The following IL1RAPL2 variants were observed in gnomAD, a reference collection of about 807,000 sequenced individuals.
IL1RAPL2 encodes interleukin 1 receptor accessory protein like 2.
A neutral mutation model predicts 44.1 loss-of-function variants in IL1RAPL2; 3 were observed. The ratio of observed to expected loss-of-function variants is 0.07; its 90% CI spans 0.03 to 0.18. The LOEUF is 0.18. IL1RAPL2 is among the 10% of genes least tolerant of loss of function. The pLI is 1.00. For synonymous variants in IL1RAPL2, 181 were observed against 178.8 expected (o/e 1.01, Z -0.10); for missense variants, 391 against 496.4 (o/e 0.79, Z 2.02).
At chrX:105,443,435 TAG>T (rs2035934355) in intron 5 of IL1RAPL2, among the ~76,000 whole-genome samples, 1 of 111,642 alleles carries the variant, frequency 9.0e-6, no homozygotes, top group Non-Finnish European at 1.9e-5. Flanking sequence ...TATCAAATAC[TAG>T]GTCTTATTCA....
intron 1 of IL1RAPL2, among the ~76,000 whole-genome samples, chrX:104,613,060 A>G (rs1302844351): frequency 8.9e-6 from 1 of 112,090 alleles, no homozygotes. Context: ...TATCAGTTCC[A>G]CGAATATTTT....
At chrX:104,634,027 G>C (rs1398686755) in intron 1 of IL1RAPL2, among the ~76,000 whole-genome samples, 2 of 110,956 alleles carry the variant, frequency 1.8e-5, no homozygotes, top group Admixed American at 9.6e-5. Context: ...GTGTCCCAGA[G>C]ATTCTGGTAT....
At chrX:105,082,567 T>C (rs138556628) in intron 2 of IL1RAPL2, among the ~76,000 whole-genome samples, 9,074 of 110,607 alleles carry the variant, frequency 0.082, 971 homozygotes, top group African/African-American at 0.28. Flanking sequence ...TGGCATCTGG[T>C]GGGTGCCCCT....
intron 4 of IL1RAPL2, among the ~76,000 whole-genome samples, chrX:105,256,055 A>G (rs2034311755): frequency 9.0e-6 from 1 of 111,695 alleles, no homozygotes; most frequent in African/African-American, 3.3e-5. Flanking sequence ...TTTGTTTGCA[A>G]GTATTTTGTT....
At chrX:104,879,497 G>T (rs747789808) in intron 2 of IL1RAPL2, among the ~76,000 whole-genome samples, 5 of 110,249 alleles carry the variant, frequency 4.5e-5, no homozygotes, top group Non-Finnish European at 9.5e-5. Context: ...ATGGCAACTT[G>T]TTTGACACAC....
intron 5 of IL1RAPL2, chrX:105,406,292 G>A: frequency 4.8e-6 from 5 of 1,037,821 alleles, no homozygotes; most frequent in East Asian, 6.1e-5. Context: ...TTTCTTAATT[G>A]ACCGAAGTCC....
intron 2 of IL1RAPL2, among the ~76,000 whole-genome samples, chrX:105,008,695 A>G (rs2030989250): frequency 9.0e-6 from 1 of 111,544 alleles, no homozygotes; most frequent in Non-Finnish European, 1.9e-5. Context: ...GGCATGGGCA[A>G]GGACTTCATG....
At chrX:105,660,814 T>C (rs2147847360) in intron 6 of IL1RAPL2, among the ~76,000 whole-genome samples, 1 of 110,489 alleles carries the variant, frequency 9.1e-6, no homozygotes, top group South Asian at 3.8e-4. Flanking sequence ...TTAAAACACA[T>C]CACTGAAGAA....
chrX:105,488,788 G>T (rs1468546322), intron 6 of IL1RAPL2, among the ~76,000 whole-genome samples: 2 of 111,767 alleles, frequency 1.8e-5, no homozygotes, highest in Non-Finnish European at 3.8e-5. Flanking sequence ...TCTCAGTTCT[G>T]AATATTTCTA....
chrX:104,912,218 G>A (rs1411967773), intron 2 of IL1RAPL2, among the ~76,000 whole-genome samples: 2 of 108,977 alleles, frequency 1.8e-5, no homozygotes, highest in Admixed American at 2.0e-4. Flanking sequence ...CTAGAAGGCT[G>A]GGGAGGCACT....
chrX:105,491,429 AT>A (rs756910342), intron 6 of IL1RAPL2, among the ~76,000 whole-genome samples: 1 of 111,654 alleles, frequency 9.0e-6, no homozygotes, highest in African/African-American at 3.3e-5. Flanking sequence ...GATTTTTTAA[AT>A]TTTTTATATC....
intron 2 of IL1RAPL2, among the ~76,000 whole-genome samples, chrX:104,883,722 C>T (rs760003818): frequency 1.3e-4 from 14 of 110,952 alleles, no homozygotes; most frequent in Non-Finnish European, 2.5e-4. Flanking sequence ...CTTTAGGCAC[C>T]CAGGCTCACC....
chrX:104,677,988 C>G (rs1930816425), intron 2 of IL1RAPL2, among the ~76,000 whole-genome samples: 1 of 112,237 alleles, frequency 8.9e-6, no homozygotes, highest in South Asian at 3.7e-4. Flanking sequence ...TGACCTGCGC[C>G]CACTGTCTGG....
chrX:105,009,374 A>C (rs1409438268), intron 2 of IL1RAPL2, among the ~76,000 whole-genome samples: 1 of 110,043 alleles, frequency 9.1e-6, no homozygotes, highest in Non-Finnish European at 1.9e-5. Flanking sequence ...GATAGACTGG[A>C]TTAAGAAAAT....
intron 2 of IL1RAPL2, among the ~76,000 whole-genome samples, chrX:104,882,540 C>G (rs1045829546): frequency 4.5e-5 from 5 of 111,556 alleles, no homozygotes; most frequent in Middle Eastern, 4.6e-3. Context: ...TGTAAACACA[C>G]CAATCAGTGC....
intron 6 of IL1RAPL2, among the ~76,000 whole-genome samples, chrX:105,619,516 G>C (rs930494818): frequency 9.0e-6 from 1 of 111,540 alleles, no homozygotes; most frequent in African/African-American, 3.3e-5. Flanking sequence ...GCATAATTTG[G>C]AGTGGCATAT....
At chrX:104,665,922 G>T (rs1346997301) in intron 2 of IL1RAPL2, among the ~76,000 whole-genome samples, 2 of 111,323 alleles carry the variant, frequency 1.8e-5, no homozygotes, top group African/African-American at 6.5e-5. Context: ...TCCTAGAAGT[G>T]GAAATGTTGG....
chrX:105,713,359 T>C (rs768581255), intron 6 of IL1RAPL2, among the ~76,000 whole-genome samples: 121 of 111,470 alleles, frequency 1.1e-3, no homozygotes, highest in African/African-American at 3.8e-3. Flanking sequence ...CTCTGAAATC[T>C]AGGCGGAGGG....
intron 2 of IL1RAPL2, among the ~76,000 whole-genome samples, chrX:104,830,916 T>C (rs1217590834): frequency 6.2e-5 from 7 of 112,202 alleles, no homozygotes; most frequent in Non-Finnish European, 1.3e-4. Flanking sequence ...ACTGCTCATA[T>C]CCAGTTTGGC....
Sources: allele counts gnomAD v4.1 joint callset (sites outside exome capture counted in the v4.1 genomes callset), GRCh38; gene constraint gnomAD v4.1.1; transcripts MANE v1.5; gene names NCBI Gene and HGNC (gene_info 2026-07-23, HGNC 2026-07-21).